The following SV2C variants were observed in gnomAD, a reference collection of about 807,000 sequenced individuals.
SV2C encodes the protein synaptic vesicle glycoprotein 2C.
SV2C carries 49 observed loss-of-function variants against 79.7 expected under a neutral mutation model. That is an observed-to-expected ratio of 0.61 (90% CI 0.49 to 0.78). The LOEUF is 0.78. SV2C is among the 30% of genes least tolerant of loss of function. The pLI is 0.00. For synonymous variants in SV2C, 334 were observed against 333.2 expected (o/e 1.00, Z -0.03); for missense variants, 833 against 912.9 (o/e 0.91, Z 1.13).
chr5:76,275,486 CA>C (rs113061927), intron 4 of SV2C, among the ~76,000 whole-genome samples: 130 of 118,068 alleles, frequency 1.1e-3, no homozygotes, highest in Admixed American at 3.2e-3. Context: ...AAGTCTGTCT[CA>C]AAAAAAAAAA....
intron 2 of SV2C, among the ~76,000 whole-genome samples, chr5:76,184,162 T>A (rs1743836563): frequency 6.6e-6 from 1 of 152,198 alleles, no homozygotes; most frequent in Non-Finnish European, 1.5e-5. Flanking sequence ...ATAAAGAACC[T>A]CTGGGTGTGG....
At chr5:76,013,829 G>A in the SV2C span, among the ~76,000 whole-genome samples, 1 of 152,128 alleles carries the variant, frequency 6.6e-6, no homozygotes, top group Non-Finnish European at 1.5e-5. Flanking sequence ...GAGGCAACAT[G>A]ACTTTCTGAA....
chr5:76,174,069 A>C, intron 2 of SV2C: 1 of 1,576,852 alleles, frequency 6.3e-7, no homozygotes, highest in South Asian at 1.1e-5. Flanking sequence ...TCTCTATAAG[A>C]ATCTTCTATC....
chr5:76,132,134 A>G lies in SV2C; in HGVS notation c.384A>G (p.Arg128=), dbSNP rs1748917839. The change falls in exon 2 of 13, where the codon AGA becomes AGG. Residue 128 remains arginine, a synonymous_variant. Coordinates refer to ENST00000502798, the MANE Select transcript of SV2C (RefSeq NM_014979.4). ...GGCGGGAGCTGGAATCAGAAAGGAG[A>G]GCTGACGAGGAAGAGTTAGCCCAGC... ...KDRRELESER[R]ADEEELAQQY... is the part of the protein sequence containing the mutation. 4 of 1,614,062 alleles carry G rather than the reference A, an allele frequency of 2.5e-6. No homozygotes were observed.
chr5:76,191,505 A>C (rs1312967443), intron 2 of SV2C, among the ~76,000 whole-genome samples: 1 of 152,198 alleles, frequency 6.6e-6, no homozygotes, highest in African/African-American at 2.4e-5. Flanking sequence ...ACTATATATC[A>C]TTTCCTAAAG....
At chr5:76,170,391 T>C (rs1743185096) in intron 2 of SV2C, among the ~76,000 whole-genome samples, 1 of 116,906 alleles carries the variant, frequency 8.6e-6, no homozygotes, top group Admixed American at 1.0e-4. Flanking sequence ...TGTGAAACAA[T>C]CACTAACAGG....
At chr5:76,238,027 TACACACACACACAC>T (rs796926428) in intron 4 of SV2C, among the ~76,000 whole-genome samples, 157 of 122,922 alleles carry the variant, frequency 1.3e-3, no homozygotes, top group African/African-American at 3.9e-3. Context: ...CAATCACACA[TACACACACACACAC>T]ACACACACAC....
the SV2C span, chr5:75,921,433 C>T: frequency 2.5e-6 from 2 of 803,278 alleles, no homozygotes; most frequent in African/African-American, 1.7e-5. Context: ...TCTGGAGCCT[C>T]CAGCTTGAAC....
intron 1 of SV2C, among the ~76,000 whole-genome samples, chr5:76,125,355 C>G (rs1469314044): frequency 3.2e-4 from 48 of 151,718 alleles, no homozygotes; most frequent in Admixed American, 3.1e-3. Flanking sequence ...GCCTTTTATC[C>G]TGCTTCTTTC....
chr5:76,289,398 G>A (rs1561300183), intron 6 of SV2C, among the ~76,000 whole-genome samples: 1 of 151,960 alleles, frequency 6.6e-6, no homozygotes, highest in Non-Finnish European at 1.5e-5. Context: ...GATCACATAG[G>A]CCCTTCAAAA....
intron 4 of SV2C, among the ~76,000 whole-genome samples, chr5:76,229,450 T>G (rs1333347685): frequency 1.3e-5 from 2 of 152,352 alleles, no homozygotes; most frequent in South Asian, 2.1e-4. Flanking sequence ...CCCTCTTCTT[T>G]CCATTTGGAC....
chr5:76,090,743 A>G (rs552578363), intron 1 of SV2C, among the ~76,000 whole-genome samples: 2 of 152,330 alleles, frequency 1.3e-5, no homozygotes, highest in East Asian at 3.9e-4. Flanking sequence ...TATCTCTTCC[A>G]ATATTTAGGT....
At chr5:75,967,307 A>G in the SV2C span, among the ~76,000 whole-genome samples, 1 of 152,168 alleles carries the variant, frequency 6.6e-6, no homozygotes, top group East Asian at 1.9e-4. Flanking sequence ...CTCACTGGGG[A>G]GTGCTGGACA....
the SV2C span, among the ~76,000 whole-genome samples, chr5:75,899,814 T>G: frequency 2.0e-5 from 3 of 152,226 alleles, no homozygotes; most frequent in East Asian, 5.8e-4. Context: ...CCTTTATCAG[T>G]ATGTAATGGC....
At chr5:75,856,309 C>T in the SV2C span, among the ~76,000 whole-genome samples, 4 of 152,160 alleles carry the variant, frequency 2.6e-5, no homozygotes, top group African/African-American at 9.7e-5. Flanking sequence ...AGTATATACC[C>T]AGAAGTAGGA....
chr5:76,157,636 C>G (rs77116385), intron 2 of SV2C, among the ~76,000 whole-genome samples: 2 of 100,644 alleles, frequency 2.0e-5, no homozygotes, highest in Non-Finnish European at 4.6e-5. Context: ...TATTTGCTAA[C>G]AAAGGAGGTA....
chr5:76,146,796 TTAAAAAAA>T (rs1749443030), intron 2 of SV2C, among the ~76,000 whole-genome samples: 1 of 67,102 alleles, frequency 1.5e-5, no homozygotes, highest in Non-Finnish European at 2.6e-5. Context: ...GAGTTTTTTT[TTAAAAAAA>T]AAAAAAAAAA....
At chr5:76,138,206 G>A (rs879467275) in intron 2 of SV2C, among the ~76,000 whole-genome samples, 3 of 152,192 alleles carry the variant, frequency 2.0e-5, no homozygotes, top group African/African-American at 4.8e-5. Context: ...TAGAGAGCTC[G>A]GTTGGCTTGC....
the SV2C span, among the ~76,000 whole-genome samples, chr5:75,997,570 A>G: frequency 1.3e-5 from 2 of 152,168 alleles, no homozygotes; most frequent in South Asian, 4.1e-4. Flanking sequence ...CATTTATGCA[A>G]CCAAAACACA....
Sources: gnomAD v4.1 joint callset for allele counts (sites outside exome capture counted in the v4.1 genomes callset) on GRCh38, gnomAD v4.1.1 for gene constraint, MANE v1.5 for transcripts, NCBI Gene and HGNC (gene_info 2026-07-23, HGNC 2026-07-21) for gene names.